The following BCAP29 variants were observed in gnomAD, a reference collection of about 807,000 sequenced individuals.
BCAP29 encodes the protein B cell receptor associated protein 29.
Under a neutral mutation model 31.8 loss-of-function variants are expected in BCAP29, and 34 were observed. The observed-to-expected ratio is 1.07, with a 90% confidence interval of 0.81 to 1.42. The LOEUF is 1.42. Ranked by LOEUF, BCAP29 falls within the 40% of genes most tolerant of loss-of-function variation. The pLI is 0.00. For missense variants in BCAP29, 314 were observed against 269.2 expected (o/e 1.17, Z -1.16); for synonymous variants, 104 against 91.3 (o/e 1.14, Z -0.79).
intron 6 of BCAP29, among the ~76,000 whole-genome samples, chr7:107,609,020 CTTCAA>C (rs1812663517): frequency 6.6e-6 from 1 of 152,204 alleles, no homozygotes; most frequent in Non-Finnish European, 1.5e-5. Context: ...CATAGTTGCC[CTTCAA>C]TTCAATACGT....
chr7:107,580,908 C>G (rs750856026), intron 2 of BCAP29, 44 bp downstream of exon 2: 4 of 1,429,246 alleles, frequency 2.8e-6, no homozygotes, highest in Admixed American at 2.6e-5. Flanking sequence ...TTGGATCGCT[C>G]TTAATGTAAA....
chr7:107,595,790 G>A (rs1164001715), intron 4 of BCAP29, 77 bp from the exon 5 acceptor site: 1 of 1,468,922 alleles, frequency 6.8e-7, no homozygotes, highest in Non-Finnish European at 9.3e-7. Flanking sequence ...CTAATGGGGA[G>A]TAATTTGGCA....
At chr7:107,587,436 T>G (rs773820203) in intron 3 of BCAP29, 4 of 152,152 alleles carry the variant, frequency 2.6e-5, no homozygotes, top group Non-Finnish European at 4.4e-5. Context: ...GATTCAGGAG[T>G]ATTATTCCCA....
chr7:107,613,873 C>A, intron 7 of BCAP29: 1 of 621,416 alleles, frequency 1.6e-6, no homozygotes, highest in Non-Finnish European at 2.8e-6. Flanking sequence ...TCATTTACCT[C>A]CAAATGTTGA....
chr7:107,611,715 C>T (rs1390253085), intron 6 of BCAP29, among the ~76,000 whole-genome samples: 1 of 152,190 alleles, frequency 6.6e-6, no homozygotes, highest in Non-Finnish European at 1.5e-5. Context: ...CTGACTCATA[C>T]CTTTAGCAAG....
chr7:107,580,895 A>G, intron 2 of BCAP29, 31 bp downstream of exon 2: 1 of 1,485,024 alleles, frequency 6.7e-7, no homozygotes, highest in South Asian at 1.2e-5. Context: ...TAACTAATAA[A>G]TATTGGATCG....
Position 107,582,617 on chromosome 7 carries a change from G to A in BCAP29, c.93-1265G>A, listed in dbSNP as rs141759021. ...CATCTGTAAAATGGAGGTAGTACTA[G>A]TGTCTACCCCTTACGGTAGTTGTTG... On this transcript the variant is annotated intron_variant, in intron 2 of 7. Transcript: ENST00000005259. 2.1e-4 allele frequency among the ~76,000 whole-genome samples: 32 copies of A among 152,244 alleles called. No homozygotes were observed. In the East Asian group the frequency reaches 5.8e-3, roughly 28 times the overall value.
rs1305381365 is a variant in BCAP29 at position 107,583,967 on chromosome 7, A to G, written c.178A>G (p.Ile60Val). Residue 60 changes from isoleucine to valine, a missense_variant, in exon 3 of 8, where the codon ATT becomes GTT. Transcript: ENST00000005259. ...KAFLTIIILL[I>V]VLFLDAVREV... ...TTTCCTTACCATTATCATCCTATTG[A>G]TTGTTCTATTTCTAGGTAAGTACTA... is the stretch of plus-strand genomic sequence containing the variant. The G allele has an allele frequency of 1.3e-6, 2 of 1,565,558 alleles. No individual in the cohort carries two copies. Among genetic ancestry groups the G allele is most frequent in the African/African-American group, 1.4e-5 (1 of 73,406 alleles).
At chr7:107,607,723 G>GC (rs1812374984) in intron 6 of BCAP29, among the ~76,000 whole-genome samples, 1 of 143,582 alleles carries the variant, frequency 7.0e-6, no homozygotes, top group African/African-American at 2.6e-5. Context: ...TGCAACCTCC[G>GC]CCCCCCAGGT....
chr7:107,609,815 G>A (rs3779495), intron 6 of BCAP29, among the ~76,000 whole-genome samples: 123,147 of 152,192 alleles, frequency 0.81, 50,343 homozygotes, highest in African/African-American at 0.94. Flanking sequence ...TGAATTCTCA[G>A]AAAGAGAACC....
At chr7:107,615,513 T>C in intron 7 of BCAP29, 3 of 329,782 alleles carry the variant, frequency 9.1e-6, no homozygotes, top group Non-Finnish European at 1.8e-5. Context: ...GGAGAATCAC[T>C]TGAACCTGGG....
intron 6 of BCAP29, among the ~76,000 whole-genome samples, chr7:107,605,023 A>G (rs35024078): frequency 0.18 from 26,631 of 152,154 alleles, 2,900 homozygotes; most frequent in Non-Finnish European, 0.25. Flanking sequence ...AACAGAAAAA[A>G]GGGTTTGCTT....
At chr7:107,596,993 G>C (rs966258836) in intron 5 of BCAP29, among the ~76,000 whole-genome samples, 1 of 152,110 alleles carries the variant, frequency 6.6e-6, no homozygotes, top group Non-Finnish European at 1.5e-5. Flanking sequence ...CTGCATAGCT[G>C]TGACCCAATC....
chr7:107,599,260 TTA>T (rs1347340097), intron 5 of BCAP29, among the ~76,000 whole-genome samples: 22 of 116,696 alleles, frequency 1.9e-4, no homozygotes, highest in South Asian at 4.5e-4. Context: ...TATATAATTT[TTA>T]TATATATATT....
chr7:107,615,446 A>G, intron 7 of BCAP29: 1 of 379,688 alleles, frequency 2.6e-6, no homozygotes. Context: ...AATACAAAAA[A>G]TTAGCCGGGC....
intron 7 of BCAP29, 122 bp downstream of exon 7, chr7:107,613,554 C>A: frequency 7.4e-7 from 1 of 1,351,074 alleles, no homozygotes; most frequent in South Asian, 1.3e-5. Flanking sequence ...CTTTGTTAAA[C>A]GATTTAAAGA....
intron 4 of BCAP29, among the ~76,000 whole-genome samples, chr7:107,595,231 A>T (rs116190002): frequency 6.6e-6 from 1 of 152,238 alleles, no homozygotes; most frequent in African/African-American, 2.4e-5. Context: ...ATGTATATAT[A>T]CTTCATTTTC....
At position 107,618,635 on chromosome 7, in the gene BCAP29, C is replaced by A; in HGVS notation, c.*272C>A. On this transcript the variant is annotated 3_prime_UTR_variant, in exon 8 of 8. Transcript: ENST00000005259. ...GTCATTGGTATATGGTGGCTGTTTA[C>A]CAATAAAAGGAAAAAATTCATTAAC... 7 of 1,448,930 alleles carry A rather than the reference C, an allele frequency of 4.8e-6. No homozygotes were observed. Among genetic ancestry groups the A allele is most frequent in the South Asian group, 4.5e-5 (3 of 66,566 alleles). The allele number at this position is 1,448,930 out of a possible 1,614,324, so 89.8% of individuals were successfully genotyped here.
chr7:107,587,853 A>T (rs535971802), intron 3 of BCAP29: 21 of 152,140 alleles, frequency 1.4e-4, no homozygotes, highest in Non-Finnish European at 2.5e-4. Context: ...AGATAGTTTT[A>T]TAAGAAACCC....
Sources: gnomAD v4.1 joint callset for allele counts (sites outside exome capture counted in the v4.1 genomes callset) on GRCh38, gnomAD v4.1.1 for gene constraint, MANE v1.5 for transcripts, NCBI Gene and HGNC (gene_info 2026-07-23, HGNC 2026-07-21) for gene names.